Variants in IL1RL2 observed in about 807,000 individuals in gnomAD.
IL1RL2 encodes the protein interleukin-1 receptor-like 2.
A neutral mutation model predicts 66.8 loss-of-function variants in IL1RL2; 68 were observed. The ratio of observed to expected loss-of-function variants is 1.02; its 90% CI spans 0.84 to 1.25. The LOEUF (loss-of-function observed/expected upper bound fraction) is 1.25, where lower values mean the gene tolerates loss of function less well. Among genes scored for constraint, IL1RL2 ranks in the 50% most tolerant of loss-of-function variants. The pLI is 0.00. For missense variants in IL1RL2, 729 were observed against 709.3 expected, an observed-to-expected ratio of 1.03 and a Z score of -0.32; for synonymous variants, 305 against 264.6, an observed-to-expected ratio of 1.15 and a Z score of -1.48.
At chr2:102,230,263 T>C (rs146317503) in intron 9 of IL1RL2, among the ~76,000 whole-genome samples, 1 of 152,330 alleles carries the variant, frequency 6.6e-6, no homozygotes, top group East Asian at 1.9e-4. Flanking sequence ...TTTTCCCATT[T>C]TCTATCTATG....
intron 10 of IL1RL2, among the ~76,000 whole-genome samples, chr2:102,234,452 A>AC (rs11400056): frequency 6.6e-6 from 1 of 151,568 alleles, no homozygotes; most frequent in African/African-American, 2.4e-5. Context: ...AAAAGAAAAA[A>AC]CCCAAAACTT....
At chr2:102,201,755 T>C in intron 5 of IL1RL2, 40 bp downstream of exon 5, 3 of 1,585,858 alleles carry the variant, frequency 1.9e-6, no homozygotes, top group Non-Finnish European at 2.6e-6. Flanking sequence ...TGTATTCTCT[T>C]GGCTTTGTGT....
At position 102,226,105 on chromosome 2, in the gene IL1RL2, T is replaced by C. The variant is rs886504069; in HGVS notation, c.1135+64T>C. Reference sequence around the variant, plus strand: ...GTATCCTCTTATACATATACAACGATTTCAAATATACTTTGTCATATTTTA... The same window carrying C: ...GTATCCTCTTATACATATACAACGACTTCAAATATACTTTGTCATATTTTA... On this transcript the variant is annotated intron_variant, in intron 9 of 11. Transcript: ENST00000264257. 1.2e-5 allele frequency: 15 copies of C among 1,301,754 alleles called. No homozygotes were observed. The Middle Eastern group carries it at 7.8e-4, about 68-fold the overall frequency. The allele number at this position is 1,301,754 out of a possible 1,614,324, so 80.6% of individuals were successfully genotyped here.
chr2:102,189,159 A>G lies in IL1RL2; in HGVS notation c.142A>G (p.Thr48Ala). 1.2e-6 allele frequency: 2 copies of G among 1,614,094 alleles called. No individual in the cohort carries two copies. Residue 48 changes from threonine (T) to alanine (A), a missense_variant, in exon 3 of 12, where the codon ACA (threonine) becomes GCA (alanine). Physicochemically the swap from Thr to Ala is moderately conservative, Grantham distance 58. Coordinates refer to ENST00000264257, the MANE Select transcript of IL1RL2 (RefSeq NM_003854.4). ...FAFNCTFPPI[T>A]SGEVSVTWYK... is the part of the protein sequence containing the mutation. Reference sequence around the variant, plus strand: ...TTTTAATTGTACATTCCCTCCCATAACATCTGGGGAAGTCAGTGTAACATG... The same window carrying G: ...TTTTAATTGTACATTCCCTCCCATAGCATCTGGGGAAGTCAGTGTAACATG...
rs1364408966 is a variant in IL1RL2 at position 102,192,173 on chromosome 2, TG to T, written c.489+54del. ...TTTCCTCCTTTTCTTTAAAACCCAC[TG>T]TTTTTTATAGGTTAAGTTGTATTTT... On this transcript the variant is annotated intron_variant, in intron 4 of 11. Coordinates refer to ENST00000264257, the MANE Select transcript of IL1RL2 (RefSeq NM_003854.4). 3.9e-5 allele frequency: 48 copies of T among 1,245,870 alleles called. 1 individual carries two copies. Among genetic ancestry groups the T allele is most frequent in the Non-Finnish European group, 5.1e-5 (46 of 896,790 alleles). 77.2% of individuals were successfully genotyped at this position (1,245,870 alleles called of 1,614,324 possible). A position where few individuals can be genotyped will look rare whatever the true frequency, so the allele number is the denominator to read the frequency against.
At chr2:102,217,927 A>G (rs1304365240) in intron 6 of IL1RL2, among the ~76,000 whole-genome samples, 4 of 152,204 alleles carry the variant, frequency 2.6e-5, no homozygotes, top group African/African-American at 9.6e-5. Context: ...AAATAGACAA[A>G]TGGAATTACA....
At chr2:102,237,828 C>T (rs186370731) in intron 11 of IL1RL2, among the ~76,000 whole-genome samples, 14 of 152,216 alleles carry the variant, frequency 9.2e-5, no homozygotes, top group African/African-American at 2.4e-4. Flanking sequence ...AAGAGTTCAA[C>T]GGCTAAGGGA....
intron 6 of IL1RL2, among the ~76,000 whole-genome samples, chr2:102,218,682 T>C (rs978172858): frequency 3.3e-4 from 50 of 152,208 alleles, no homozygotes; most frequent in African/African-American, 1.2e-3. Flanking sequence ...TTTGCTAGTG[T>C]TACTAGGAGT....
At chr2:102,226,492 G>A (rs3771184) in intron 9 of IL1RL2, among the ~76,000 whole-genome samples, 24,070 of 152,082 alleles carry the variant, frequency 0.16, 2,375 homozygotes, top group Admixed American at 0.29. Context: ...GTGCCTGAAG[G>A]GATTTAAGTC....
intron 5 of IL1RL2, among the ~76,000 whole-genome samples, chr2:102,202,413 T>G (rs1688342946): frequency 6.6e-6 from 1 of 151,374 alleles, no homozygotes; most frequent in Non-Finnish European, 1.5e-5. Context: ...GGGTATATGA[T>G]ATATTAAACA....
chr2:102,221,166 C>G (rs1453806370), intron 8 of IL1RL2, among the ~76,000 whole-genome samples: 1 of 152,186 alleles, frequency 6.6e-6, no homozygotes, highest in Admixed American at 6.5e-5. Context: ...TTCTCACTGG[C>G]TTTTCTTTGT....
At chr2:102,222,462 A>G (rs1307823712) in intron 8 of IL1RL2, among the ~76,000 whole-genome samples, 1 of 152,186 alleles carries the variant, frequency 6.6e-6, no homozygotes, top group African/African-American at 2.4e-5. Flanking sequence ...CTGTTCTACA[A>G]TGTGATTCAC....
Position 102,227,871 on chromosome 2 carries a change from G to A in IL1RL2, c.1135+1830G>A, listed in dbSNP as rs548206976. ...CTGAGTCATTGCGACTCCCAGGAGC[G>A]TGACTATAGCTGTGACTTATGGGTG... On this transcript the variant is annotated intron_variant, in intron 9 of 11. Coordinates refer to ENST00000264257, the MANE Select transcript of IL1RL2 (RefSeq NM_003854.4). Among the ~76,000 whole-genome samples the A allele has an allele frequency of 5.9e-5, 9 of 152,222 alleles. No homozygotes were observed. In the East Asian group the frequency reaches 1.4e-3, roughly 23 times the overall value.
intron 11 of IL1RL2, chr2:102,235,690 T>C: frequency 1.0e-6 from 1 of 985,330 alleles, no homozygotes; most frequent in Non-Finnish European, 1.2e-6. Flanking sequence ...GAGGGCAGTC[T>C]AGCACCAGGA....
At chr2:102,205,431 T>G (rs1688622584) in intron 5 of IL1RL2, among the ~76,000 whole-genome samples, 1 of 152,198 alleles carries the variant, frequency 6.6e-6, no homozygotes, top group South Asian at 2.1e-4. Flanking sequence ...ACATTTCTTG[T>G]AGGACAGGTC....
chr2:102,208,328 A>G (rs1023983722), intron 5 of IL1RL2, among the ~76,000 whole-genome samples: 3 of 152,192 alleles, frequency 2.0e-5, no homozygotes, highest in African/African-American at 4.8e-5. Flanking sequence ...CCCAAGCTAT[A>G]CATTTTACAG....
In IL1RL2 at chr2:102,235,234, T is replaced by G. The variant is rs779297480; in HGVS notation, c.1635T>G (p.Pro545=). Residue 545 remains proline (P), a synonymous_variant, in exon 11 of 12, where the codon CCT becomes CCG. Coordinates refer to ENST00000264257, the MANE Select transcript of IL1RL2 (RefSeq NM_003854.4). ...HMPPRRCRPF[P]PVQLLQHTPC... is the part of the protein sequence containing the mutation. ...CGCCCAGAAGGTGTCGGCCGTTTCC[T>G]CCGGTCCAGCTGCTGCAGCACACAC... is the stretch of plus-strand genomic sequence containing the variant. 9 of 1,614,044 alleles carry G rather than the reference T, an allele frequency of 5.6e-6. No homozygotes were observed. The highest frequency in any genetic ancestry group is 7.6e-6 in the Non-Finnish European group (9 of 1,180,034).
At position 102,188,448 on chromosome 2, in the gene IL1RL2, C is replaced by T. The variant is rs1193090676; in HGVS notation, c.58+523C>T. On this transcript the variant is annotated intron_variant, in intron 2 of 11. Transcript: ENST00000264257. ...AAATACATTAAAAAAATTAGCCGGGCGCGGTGGCGGGCGCCTGTAGTCCCA... is the reference window on the plus strand; with the variant it reads ...AAATACATTAAAAAAATTAGCCGGGTGCGGTGGCGGGCGCCTGTAGTCCCA... Among the ~76,000 whole-genome samples the T allele has an allele frequency of 2.6e-5, 4 of 151,764 alleles. No individual in the cohort carries two copies. The South Asian group carries it at 6.3e-4, about 24-fold the overall frequency.
intron 9 of IL1RL2, among the ~76,000 whole-genome samples, chr2:102,228,827 T>A (rs776919346): frequency 5.3e-5 from 8 of 152,236 alleles, no homozygotes; most frequent in Non-Finnish European, 1.2e-4. Flanking sequence ...ACCTTTCAGA[T>A]TTTCATGAGA....
Sources: gnomAD v4.1 joint callset for allele counts (sites outside exome capture counted in the v4.1 genomes callset) on GRCh38, gnomAD v4.1.1 for gene constraint, MANE v1.5 for transcripts, NCBI Gene and HGNC (gene_info 2026-07-23, HGNC 2026-07-21) for gene names.